Variants in GPSM2 observed in about 807,000 individuals in gnomAD.
The protein encoded by GPSM2 is G protein-signaling modulator 2.
In GPSM2, 58 loss-of-function variants were observed where a neutral mutation model predicts 78.4. The observed-to-expected ratio is 0.74, with a 90% CI of 0.60 to 0.92. GPSM2 has a LOEUF of 0.92. Ranked by LOEUF, GPSM2 falls within the 40% of genes least tolerant of loss-of-function variation. The pLI is 0.00. For synonymous variants in GPSM2, 224 were observed against 280.2 expected (o/e 0.80, Z 2.00); for missense variants, 700 against 815.5 (o/e 0.86, Z 1.73).
At chr1:108,928,053 A>C (rs1651273840) in intron 14 of GPSM2, among the ~76,000 whole-genome samples, 1 of 152,236 alleles carries the variant, frequency 6.6e-6, no homozygotes, top group Admixed American at 6.5e-5. Context: ...GAACAACAAC[A>C]ACAACGTAGA....
intron 7 of GPSM2, among the ~76,000 whole-genome samples, chr1:108,900,893 A>G (rs1490649069): frequency 6.6e-6 from 1 of 151,728 alleles, no homozygotes; most frequent in Non-Finnish European, 1.5e-5. Context: ...GTAATTTGTC[A>G]TATAGTTATA....
At chr1:108,900,482 G>A (rs1167724138) in intron 7 of GPSM2, among the ~76,000 whole-genome samples, 9 of 151,898 alleles carry the variant, frequency 5.9e-5, no homozygotes, top group African/African-American at 7.3e-5. Flanking sequence ...CAAGTGATCC[G>A]CCCACCTCAG....
chr1:108,918,068 T>G (rs1284460909), intron 11 of GPSM2, among the ~76,000 whole-genome samples: 1 of 152,198 alleles, frequency 6.6e-6, no homozygotes, highest in East Asian at 1.9e-4. Context: ...TTTTCCACTG[T>G]ACTCAATAAA....
chr1:108,896,408 A>C (rs1648371911), intron 2 of GPSM2, among the ~76,000 whole-genome samples: 1 of 152,046 alleles, frequency 6.6e-6, no homozygotes, highest in East Asian at 1.9e-4. Flanking sequence ...GGATGGCTGG[A>C]TGGTCAGAGG....
rs1651975715 is a variant in GPSM2, at chr1:108,931,540, G to GGTA, written c.*1600_*1601insGTA. 6.7e-7 allele frequency: 1 copy of GGTA among 1,500,162 alleles called. No individual in the cohort carries two copies. The highest frequency in any genetic ancestry group is 8.9e-7 in the Non-Finnish European group (1 of 1,118,752). The allele number at this position is 1,500,162 out of a possible 1,614,324, so 92.9% of individuals were successfully genotyped here. On this transcript the variant is annotated 3_prime_UTR_variant, in exon 15 of 15. Coordinates refer to ENST00000264126, the MANE Select transcript of GPSM2 (RefSeq NM_013296.5). ...TATTCTTTCAAAAAGTCATTCAGGT[G>GGTA]ATTTGGATGGGCAAATAGAACTATT...
At chr1:108,901,677 G>A (rs1648833781) in intron 7 of GPSM2, 113 bp from the exon 8 acceptor site, 2 of 827,462 alleles carry the variant, frequency 2.4e-6, no homozygotes, top group Non-Finnish European at 2.1e-6. Context: ...TAGGCTCTCA[G>A]AGATTTAAAG....
At chr1:108,877,945 C>T (rs1357101662) in intron 1 of GPSM2, among the ~76,000 whole-genome samples, 1 of 152,112 alleles carries the variant, frequency 6.6e-6, no homozygotes, top group Non-Finnish European at 1.5e-5. Context: ...TTTTATTGGC[C>T]TTAATGCATA....
chr1:108,923,226 G>T (rs1650865812), intron 13 of GPSM2, among the ~76,000 whole-genome samples: 1 of 151,954 alleles, frequency 6.6e-6, no homozygotes, highest in Admixed American at 6.6e-5. Flanking sequence ...TGGAGATGAG[G>T]TCTTGCTGTG....
intron 10 of GPSM2, among the ~76,000 whole-genome samples, chr1:108,913,198 A>T (rs896649725): frequency 6.6e-6 from 1 of 152,216 alleles, no homozygotes; most frequent in African/African-American, 2.4e-5. Context: ...TTGTGCTCCC[A>T]GTTATATACT....
In GPSM2 at chr1:108,897,529, G is replaced by A. The variant is rs373692936; in HGVS notation, c.316G>A (p.Gly106Ser). 6 of 1,613,332 alleles carry A rather than the reference G, an allele frequency of 3.7e-6. No individual in the cohort carries two copies. The South Asian group carries it at 4.4e-5, about 12-fold the overall frequency. Reference sequence around the variant, plus strand: ...CCAGCTGGGGGAAGCGAAAGCTAGTGGTAATCTGGGAAACACCTTAAAAGT... The same window carrying A: ...CCAGCTGGGGGAAGCGAAAGCTAGTAGTAATCTGGGAAACACCTTAAAAGT... ...GDQLGEAKAS[G>S]NLGNTLKVLG... Residue 106 changes from glycine (G) to serine (S), a missense_variant, in exon 4 of 15, where the codon GGT (glycine) becomes AGT (serine). Physicochemically the swap from Gly to Ser is moderately conservative, Grantham distance 56. Transcript: ENST00000264126.
intron 14 of GPSM2, chr1:108,926,224 A>G (rs1442094905): frequency 2.0e-5 from 3 of 152,262 alleles, no homozygotes; most frequent in Non-Finnish European, 4.4e-5. Context: ...TTATCCAGTC[A>G]TGGCCAGCTG....
At chr1:108,924,749 T>G (rs1650997028) in intron 14 of GPSM2, among the ~76,000 whole-genome samples, 1 of 151,972 alleles carries the variant, frequency 6.6e-6, no homozygotes, top group African/African-American at 2.4e-5. Context: ...GTGACTGGCA[T>G]GGGATGAGTA....
rs1308196539 is a variant in GPSM2 at position 108,932,069 on chromosome 1, T to C, written c.*2129T>C. 1 of 152,314 alleles carries C rather than the reference T, an allele frequency of 6.6e-6. No homozygotes were observed. The highest frequency in any genetic ancestry group is 1.5e-5 in the Non-Finnish European group (1 of 68,176). 9.4% of individuals were successfully genotyped at this position (152,314 alleles called of 1,614,324 possible). ...GGGCGGGTCACTTGAGGTCAGGAGTTCGAGACCAGCCTGACCAACATGGTG... is the reference window on the plus strand; with the variant it reads ...GGGCGGGTCACTTGAGGTCAGGAGTCCGAGACCAGCCTGACCAACATGGTG... On this transcript the variant is annotated 3_prime_UTR_variant, in exon 15 of 15. Transcript: ENST00000264126.
chr1:108,922,731 G>C (rs1650818476), intron 13 of GPSM2, among the ~76,000 whole-genome samples, 155 bp downstream of exon 13: 1 of 152,132 alleles, frequency 6.6e-6, no homozygotes, highest in Non-Finnish European at 1.5e-5. Flanking sequence ...TTCAAACAAG[G>C]TTTTTTCAGT....
At chr1:108,908,754 C>T (rs1279912760) in intron 10 of GPSM2, among the ~76,000 whole-genome samples, 2 of 150,068 alleles carry the variant, frequency 1.3e-5, no homozygotes, top group African/African-American at 2.4e-5. Flanking sequence ...GGCAGTGGCT[C>T]ATGCCTGTAA....
intron 1 of GPSM2, chr1:108,877,803 T>C (rs553513080): frequency 6.6e-6 from 1 of 152,276 alleles, no homozygotes; most frequent in African/African-American, 2.4e-5. Context: ...TTAAGAAAAC[T>C]CTTTCCTGAA....
intron 7 of GPSM2, among the ~76,000 whole-genome samples, chr1:108,901,495 ATAT>A (rs1648821023): frequency 6.6e-6 from 1 of 152,140 alleles, no homozygotes; most frequent in South Asian, 2.1e-4. Context: ...AATGTTAAAG[ATAT>A]TATGTTAATC....
rs1361335750 is a variant in GPSM2 at position 108,899,008 on chromosome 1, T to TTC, written c.797+16_797+17dup. The TTC allele has an allele frequency of 1.5e-6, 2 of 1,358,770 alleles. No homozygotes were observed. The highest frequency in any genetic ancestry group is 3.4e-5 in the Admixed American group (2 of 59,616). 84.2% of individuals were successfully genotyped at this position (1,358,770 alleles called of 1,614,324 possible). On this transcript the variant is annotated intron_variant, in intron 7 of 14. Coordinates refer to ENST00000264126, the MANE Select transcript of GPSM2 (RefSeq NM_013296.5). ...GGAATACTACAAGTTAGTCTAATATTTCTGTAGATAAATGTAAAATGAATA... is the reference window on the plus strand; with the variant it reads ...GGAATACTACAAGTTAGTCTAATATTTCTCTGTAGATAAATGTAAAATGAATA...
intron 11 of GPSM2, among the ~76,000 whole-genome samples, chr1:108,917,518 G>T (rs1294812096): frequency 4.0e-5 from 6 of 149,056 alleles, no homozygotes; most frequent in Admixed American, 1.4e-4. Flanking sequence ...AGTGAGCCGA[G>T]ATCGTGCCAC....
Sources: gnomAD v4.1 joint callset for allele counts (sites outside exome capture counted in the v4.1 genomes callset) on GRCh38, gnomAD v4.1.1 for gene constraint, MANE v1.5 for transcripts, NCBI Gene and HGNC (gene_info 2026-07-23, HGNC 2026-07-21) for gene names.